HMBOX1: variants seen among roughly 807,000 people sequenced by gnomAD.
HMBOX1 encodes the protein homeobox-containing protein 1.
In HMBOX1, 14 loss-of-function variants were observed where a neutral mutation model predicts 54.5. The ratio of observed to expected loss-of-function variants is 0.26; its 90% CI spans 0.17 to 0.40. The LOEUF is 0.40. Among genes scored for constraint, HMBOX1 ranks in the 10% least tolerant of loss-of-function variants. HMBOX1 has a pLI of 1.00. For missense variants in HMBOX1, 332 were observed against 514.4 expected (o/e 0.65, Z 3.43); for synonymous variants, 160 against 181.0 (o/e 0.88, Z 0.93).
chr8:28,970,686 C>G lies in HMBOX1; in HGVS notation c.500+167C>G. The G allele has an allele frequency of 1.9e-6, 1 of 524,986 alleles. No individual in the cohort carries two copies. The highest frequency in any genetic ancestry group is 3.3e-6 in the Non-Finnish European group (1 of 300,452). 32.5% of individuals were successfully genotyped at this position (524,986 alleles called of 1,614,324 possible). On this transcript the variant is annotated intron_variant, in intron 3 of 9. Transcript: ENST00000287701. The surrounding 1 kb of genome is among the most constrained non-coding windows in gnomAD (Gnocchi z 4.3). ...CTTTGGAGATGAAAGAAAGAAAGTT[C>G]AAGCTTTATGTTTTTAATTTAAATT...
chr8:29,047,273 C>T, intron 7 of HMBOX1, 85 bp from the exon 8 acceptor site: 1 of 817,876 alleles, frequency 1.2e-6, no homozygotes, highest in Non-Finnish European at 2.1e-6. Flanking sequence ...TCAAAAGCAA[C>T]AAAATAAAAA....
At chr8:29,030,275 T>A (rs1233259232) in intron 6 of HMBOX1, among the ~76,000 whole-genome samples, 1 of 151,534 alleles carries the variant, frequency 6.6e-6, no homozygotes, top group Non-Finnish European at 1.5e-5. Flanking sequence ...TGGAGTACAA[T>A]GGCGTGATCT....
chr8:29,052,595 C>CT lies in HMBOX1; in HGVS notation c.*1441dup, dbSNP rs1806540612. On this transcript the variant is annotated 3_prime_UTR_variant, in exon 10 of 10. Transcript: ENST00000287701. The stretch of plus-strand genomic sequence containing the variant: ...AGTGAACTTGCATTCTAAAGTCACC[C>CT]TGTGATCACCTTGTCATCTAGTAGC... 6.6e-6 allele frequency: 1 copy of CT among 151,972 alleles called. No homozygotes were observed. The highest frequency in any genetic ancestry group is 1.5e-5 in the Non-Finnish European group (1 of 67,990). The allele number at this position is 151,972 out of a possible 1,614,324, so 9.4% of individuals were successfully genotyped here. A position where few individuals can be genotyped will look rare whatever the true frequency, so the allele number is the denominator to read the frequency against.
chr8:28,985,350 G>A (rs1017950048), intron 4 of HMBOX1, among the ~76,000 whole-genome samples: 1 of 152,106 alleles, frequency 6.6e-6, no homozygotes, highest in Non-Finnish European at 1.5e-5. Context: ...TGGTTCATAA[G>A]GATTCAACTC....
At chr8:28,973,534 G>A (rs1029243072) in intron 3 of HMBOX1, among the ~76,000 whole-genome samples, 11 of 152,060 alleles carry the variant, frequency 7.2e-5, no homozygotes, top group African/African-American at 1.2e-4. Context: ...TTGAGCAGTG[G>A]ATCTTTCTGA....
intron 1 of HMBOX1, among the ~76,000 whole-genome samples, chr8:28,902,163 T>C (rs555664166): frequency 6.6e-6 from 1 of 152,322 alleles, no homozygotes; most frequent in African/African-American, 2.4e-5. Context: ...GACTTGCCGC[T>C]GGTAGGGGGC....
intron 1 of HMBOX1, among the ~76,000 whole-genome samples, chr8:28,932,319 A>T (rs532014499): frequency 1.1e-3 from 167 of 152,324 alleles, no homozygotes; most frequent in South Asian, 2.1e-3. Flanking sequence ...CAATTGCAAG[A>T]TTTTAAGTGG....
chr8:28,989,656 CCTTTT>C (rs1830692420), intron 4 of HMBOX1, among the ~76,000 whole-genome samples: 1 of 152,100 alleles, frequency 6.6e-6, no homozygotes, highest in South Asian at 2.1e-4. Flanking sequence ...TGTTGTTTTT[CCTTTT>C]CAAGATCACT....
intron 1 of HMBOX1, among the ~76,000 whole-genome samples, chr8:28,896,577 C>G (rs1812162652): frequency 6.7e-6 from 1 of 148,800 alleles, no homozygotes; most frequent in African/African-American, 2.4e-5. Context: ...ATGTTTCAGT[C>G]AAAAACGGAC....
chr8:28,925,134 T>G (rs1366688131), intron 1 of HMBOX1, among the ~76,000 whole-genome samples: 3 of 152,120 alleles, frequency 2.0e-5, no homozygotes, highest in African/African-American at 7.2e-5. Context: ...ATTAAAAGAA[T>G]AATATTATGT....
At chr8:29,040,396 TCA>T in intron 6 of HMBOX1, among the ~76,000 whole-genome samples, 1 of 152,314 alleles carries the variant, frequency 6.6e-6, no homozygotes, top group South Asian at 2.1e-4. Flanking sequence ...GTGTCTTTTC[TCA>T]CAAAAAAGTT....
intron 6 of HMBOX1, among the ~76,000 whole-genome samples, chr8:29,028,113 G>A (rs1033179361): frequency 2.6e-5 from 4 of 152,010 alleles, no homozygotes; most frequent in South Asian, 2.1e-4. Context: ...ATATTCTCCC[G>A]GGCAAGGAAT....
chr8:28,943,898 A>C lies in HMBOX1; in HGVS notation c.-57-19913A>C, dbSNP rs140484797. On this transcript the variant is annotated intron_variant, in intron 1 of 9. Coordinates refer to ENST00000287701, the MANE Select transcript of HMBOX1 (RefSeq NM_001135726.3). The stretch of plus-strand genomic sequence containing the variant: ...CTTCTGTAAAAACAGAAGCCTCAAT[A>C]TTTATATGCAGCCTCCCAACTTTTA... 3.6e-3 allele frequency among the ~76,000 whole-genome samples: 545 copies of C among 152,286 alleles called. 4 individuals carry two copies. The highest frequency in any genetic ancestry group is 0.012 in the African/African-American group (489 of 41,564).
intron 4 of HMBOX1, among the ~76,000 whole-genome samples, chr8:28,996,990 G>GGTGT (rs146925936): frequency 2.0e-5 from 3 of 150,806 alleles, no homozygotes; most frequent in Non-Finnish European, 3.0e-5. Flanking sequence ...GTTCTAATGG[G>GGTGT]GTGTGTGTGT....
chr8:28,972,997 G>A (rs1303962602), intron 3 of HMBOX1, among the ~76,000 whole-genome samples: 1 of 151,946 alleles, frequency 6.6e-6, no homozygotes, highest in Non-Finnish European at 1.5e-5. Flanking sequence ...TTCTTTATTA[G>A]AACTGCTCCT....
intron 3 of HMBOX1, among the ~76,000 whole-genome samples, chr8:28,973,925 A>G (rs1307621202): frequency 1.4e-5 from 2 of 144,564 alleles, no homozygotes; most frequent in Non-Finnish European, 3.0e-5. Context: ...AGCGATTCTC[A>G]TGTCTCAGTC....
In HMBOX1 at chr8:28,923,083, A is replaced by G. The variant is rs372353086; in HGVS notation, c.-58+32405A>G. Reference sequence around the variant, plus strand: ...CAATTCAGTGACATTAAATACATTTACAGTGTTGCACAACTGTCACCACTG... The same window carrying G: ...CAATTCAGTGACATTAAATACATTTGCAGTGTTGCACAACTGTCACCACTG... On this transcript the variant is annotated intron_variant, in intron 1 of 9. Transcript: ENST00000287701. Among the ~76,000 whole-genome samples, 3 of 152,350 alleles carry G rather than the reference A, an allele frequency of 2.0e-5. No individual in the cohort carries two copies. In the South Asian group the frequency reaches 6.2e-4, roughly 32 times the overall value.
chr8:28,919,446 G>A (rs1817163055), intron 1 of HMBOX1, among the ~76,000 whole-genome samples: 1 of 152,130 alleles, frequency 6.6e-6, no homozygotes, highest in African/African-American at 2.4e-5. Context: ...GGAAGAAATT[G>A]AGTAGAATTG....
intron 1 of HMBOX1, among the ~76,000 whole-genome samples, chr8:28,897,662 C>T (rs1007636050): frequency 4.6e-5 from 7 of 152,204 alleles, no homozygotes; most frequent in Non-Finnish European, 7.4e-5. Flanking sequence ...GGCAACAGAG[C>T]GAGACTCTAT....
Sources: gnomAD v4.1 joint callset for allele counts (sites outside exome capture counted in the v4.1 genomes callset) on GRCh38, gnomAD v4.1.1 for gene constraint, Gnocchi (gnomAD v3.1) non-coding constraint, MANE v1.5 for transcripts, NCBI Gene and HGNC (gene_info 2026-07-23, HGNC 2026-07-21) for gene names.